The following ZSCAN4 variants were observed in gnomAD, a reference collection of about 807,000 sequenced individuals.
ZSCAN4 encodes the protein zinc finger and SCAN domain-containing protein 4.
In ZSCAN4, 18 loss-of-function variants were observed where a neutral mutation model predicts 18.3. The ratio of observed to expected loss-of-function variants is 0.98; its 90% CI spans 0.68 to 1.46. ZSCAN4 has a LOEUF of 1.46. Ranked by LOEUF, ZSCAN4 falls within the 40% of genes most tolerant of loss-of-function variation. The pLI is 0.00. For synonymous variants in ZSCAN4, 193 were observed against 180.3 expected (o/e 1.07, Z -0.57); for missense variants, 498 against 511.4 (o/e 0.97, Z 0.25).
intron 2 of ZSCAN4, among the ~76,000 whole-genome samples, chr19:57,672,506 T>G (rs1381514784): frequency 1.3e-5 from 2 of 152,160 alleles, no homozygotes; most frequent in Admixed American, 1.3e-4. Flanking sequence ...ATATTTAAGG[T>G]GTACAATGTG....
the ZSCAN4 span, among the ~76,000 whole-genome samples, chr19:57,662,540 C>T: frequency 2.6e-5 from 4 of 151,918 alleles, no homozygotes; most frequent in Non-Finnish European, 5.9e-5. Flanking sequence ...ATTTTTACCG[C>T]TGAGAGATTT....
the ZSCAN4 span, among the ~76,000 whole-genome samples, chr19:57,655,120 T>C: frequency 6.6e-6 from 1 of 152,158 alleles, no homozygotes; most frequent in Admixed American, 6.5e-5. Flanking sequence ...ATTCAGGCCA[T>C]ACCAACCCAA....
chr19:57,668,195 C>T (rs1363603473), upstream of ZSCAN4, among the ~76,000 whole-genome samples: 1 of 152,062 alleles, frequency 6.6e-6, no homozygotes. Context: ...TGAGCCACTG[C>T]GCCCAGCCCA....
chr19:57,673,746 G>T (rs746644501), intron 2 of ZSCAN4, among the ~76,000 whole-genome samples: 33 of 152,056 alleles, frequency 2.2e-4, no homozygotes, highest in South Asian at 1.0e-3. Flanking sequence ...TGATGATGAT[G>T]ATGATTATTA....
At chr19:57,678,379 A>G (rs778516595) in exon 5 of ZSCAN4, 2 of 1,614,038 alleles carry the variant, frequency 1.2e-6, no homozygotes, top group African/African-American at 2.7e-5. Context: ...GGGTCCATAA[A>G]TGGAATCACT....
At chr19:57,659,749 A>G in the ZSCAN4 span, among the ~76,000 whole-genome samples, 1 of 152,164 alleles carries the variant, frequency 6.6e-6, no homozygotes, top group East Asian at 1.9e-4. Flanking sequence ...GCGGCCAGGA[A>G]TCCAGCAGAG....
intron 1 of ZSCAN4, among the ~76,000 whole-genome samples, chr19:57,669,633 G>C (rs1003925228): frequency 1.3e-5 from 2 of 151,254 alleles, no homozygotes; most frequent in African/African-American, 4.9e-5. Flanking sequence ...CACCATATTG[G>C]CCAGGCTGGT....
At chr19:57,675,093 T>C (rs1984138774) in intron 2 of ZSCAN4, among the ~76,000 whole-genome samples, 2 of 151,214 alleles carry the variant, frequency 1.3e-5, no homozygotes, top group Non-Finnish European at 1.5e-5. Flanking sequence ...TAGCTGGGTT[T>C]ACAGGCACGT....
intron 3 of ZSCAN4, among the ~76,000 whole-genome samples, chr19:57,677,580 A>G (rs76074398): frequency 0.022 from 3,321 of 152,286 alleles, 134 homozygotes; most frequent in African/African-American, 0.076. Flanking sequence ...TCAATAATAT[A>G]TATTAAATGG....
intron 1 of ZSCAN4, among the ~76,000 whole-genome samples, chr19:57,669,618 G>A (rs1029797260): frequency 1.3e-5 from 2 of 151,196 alleles, no homozygotes; most frequent in Non-Finnish European, 2.9e-5. Context: ...GTAGAGATGG[G>A]GTTTCACCAT....
At chr19:57,651,863 C>T in the ZSCAN4 span, among the ~76,000 whole-genome samples, 1 of 152,308 alleles carries the variant, frequency 6.6e-6, no homozygotes, top group Non-Finnish European at 1.5e-5. Flanking sequence ...TCATATCCAA[C>T]ACCAGTCTCC....
chr19:57,668,019 A>C (rs1983906172), upstream of ZSCAN4, among the ~76,000 whole-genome samples: 1 of 152,036 alleles, frequency 6.6e-6, no homozygotes. Flanking sequence ...CTCCTGCCTC[A>C]GGCTCCCGAG....
At chr19:57,654,303 T>C in the ZSCAN4 span, among the ~76,000 whole-genome samples, 2 of 152,112 alleles carry the variant, frequency 1.3e-5, no homozygotes, top group African/African-American at 4.8e-5. Context: ...TTCTACCCCT[T>C]TTATTTTACT....
chr19:57,660,427 T>C, the ZSCAN4 span, among the ~76,000 whole-genome samples: 1 of 152,240 alleles, frequency 6.6e-6, no homozygotes, highest in Non-Finnish European at 1.5e-5. Context: ...GCATTTCTTC[T>C]GTGAAACAGC....
At chr19:57,676,128 T>C (rs756816846) in exon 3 of ZSCAN4, 2 of 1,585,806 alleles carry the variant, frequency 1.3e-6, no homozygotes, top group Admixed American at 3.6e-5. Context: ...AAAGTCTCTC[T>C]GAGAATTATT....
chr19:57,658,975 A>G, the ZSCAN4 span, among the ~76,000 whole-genome samples: 1 of 152,226 alleles, frequency 6.6e-6, no homozygotes. Context: ...TTTCGGGACC[A>G]GAAACCAAAG....
Position 57,678,450 on chromosome 19 carries a change from CCT to C in ZSCAN4, c.848_849del (p.Pro283ArgfsTer10), listed in dbSNP as rs1178541402. ...TATCTCTCAACCAGAGCAGTCCTCC[CCT>C]GAGTCTGCCCTTACCCACCAGAGCA... On this transcript the variant is annotated frameshift_variant, in exon 5 of 5. Transcript: ENST00000318203. LOFTEE classifies it low-confidence loss of function (END_TRUNC). The C allele has an allele frequency of 6.2e-6, 10 of 1,614,104 alleles. No individual in the cohort carries two copies. The highest frequency in any genetic ancestry group is 8.5e-6 in the Non-Finnish European group (10 of 1,180,014).
the ZSCAN4 span, among the ~76,000 whole-genome samples, chr19:57,656,477 C>A: frequency 3.9e-5 from 6 of 152,186 alleles, no homozygotes; most frequent in African/African-American, 1.4e-4. Flanking sequence ...TAAAAACTTA[C>A]ACACACTCCA....
At chr19:57,669,723 G>A (rs1229685608) in intron 1 of ZSCAN4, among the ~76,000 whole-genome samples, 6 of 89,856 alleles carry the variant, frequency 6.7e-5, no homozygotes, top group Admixed American at 1.9e-4. Flanking sequence ...TTTTTTGTTC[G>A]TTTTGTTTTG....
Sources: gnomAD v4.1 joint callset for allele counts (sites outside exome capture counted in the v4.1 genomes callset) on GRCh38, gnomAD v4.1.1 for gene constraint, MANE v1.5 for transcripts, NCBI Gene and HGNC (gene_info 2026-07-23, HGNC 2026-07-21) for gene names.